The following ZBTB7C variants were observed in gnomAD, a reference collection of about 807,000 sequenced individuals.
ZBTB7C encodes the protein zinc finger and BTB domain-containing protein 7C.
A neutral mutation model predicts 25.7 loss-of-function variants in ZBTB7C; 8 were observed. That is an observed-to-expected ratio of 0.31 (90% CI 0.18 to 0.56). The LOEUF (loss-of-function observed/expected upper bound fraction) is 0.56. ZBTB7C is among the 20% of genes least tolerant of loss of function. ZBTB7C has a pLI of 0.91. For missense variants in ZBTB7C, 824 were observed against 855.2 expected, an observed-to-expected ratio of 0.96 and a Z score of 0.46; for synonymous variants, 394 against 369.0, an observed-to-expected ratio of 1.07 and a Z score of -0.78.
intron 2 of ZBTB7C, among the ~76,000 whole-genome samples, chr18:48,301,296 T>G (rs1211689874): frequency 6.6e-6 from 1 of 152,112 alleles, no homozygotes; most frequent in Non-Finnish European, 1.5e-5. Context: ...CTGGTCAACA[T>G]GGCAAAACCC....
chr18:48,187,303 G>C (rs940010314), intron 2 of ZBTB7C, among the ~76,000 whole-genome samples: 2 of 152,226 alleles, frequency 1.3e-5, no homozygotes, highest in Non-Finnish European at 1.5e-5. Flanking sequence ...ACGGAGGGAA[G>C]TCAAACGTCT....
intron 1 of ZBTB7C, among the ~76,000 whole-genome samples, chr18:48,407,035 A>G (rs922195307): frequency 2.6e-5 from 4 of 152,252 alleles, no homozygotes; most frequent in African/African-American, 7.2e-5. Flanking sequence ...ATACAGAGTA[A>G]AAAACATTTA....
intron 3 of ZBTB7C, among the ~76,000 whole-genome samples, chr18:48,052,621 C>T (rs944147507): frequency 6.6e-6 from 1 of 152,008 alleles, no homozygotes; most frequent in Non-Finnish European, 1.5e-5. Context: ...AGAGAAAGGC[C>T]GGGAGCATGA....
At chr18:48,326,095 C>CTTT (rs34725749) in intron 2 of ZBTB7C, among the ~76,000 whole-genome samples, 21,110 of 125,938 alleles carry the variant, frequency 0.17, 2,417 homozygotes, top group Non-Finnish European at 0.23. Context: ...CTACCAACAT[C>CTTT]TTTTTTTTTT....
At chr18:48,212,094 C>A (rs1385852190) in intron 2 of ZBTB7C, among the ~76,000 whole-genome samples, 1 of 152,176 alleles carries the variant, frequency 6.6e-6, no homozygotes, top group Admixed American at 6.5e-5. Context: ...GTGGCTCATG[C>A]CTGTGATCTC....
At chr18:48,367,372 A>ATATATATATATATATAT (rs1555752154) in intron 1 of ZBTB7C, among the ~76,000 whole-genome samples, 3 of 116,184 alleles carry the variant, frequency 2.6e-5, no homozygotes, top group African/African-American at 9.5e-5. Flanking sequence ...ATATATATAT[A>ATATATATATATATATAT]AAATACAAAC....
intron 1 of ZBTB7C, among the ~76,000 whole-genome samples, chr18:48,376,506 A>C (rs4940362): frequency 0.57 from 86,958 of 152,060 alleles, 25,745 homozygotes; most frequent in East Asian, 0.95. Context: ...GCCCATGGCC[A>C]GGCCCTATTG....
At chr18:48,315,677 G>A (rs2045930925) in intron 2 of ZBTB7C, among the ~76,000 whole-genome samples, 1 of 152,106 alleles carries the variant, frequency 6.6e-6, no homozygotes, top group African/African-American at 2.4e-5. Flanking sequence ...GGCTCCTCAT[G>A]GGCGTGGATA....
intron 3 of ZBTB7C, among the ~76,000 whole-genome samples, chr18:48,142,780 C>A (rs1490242034): frequency 6.8e-6 from 1 of 146,498 alleles, no homozygotes; most frequent in African/African-American, 2.8e-5. Flanking sequence ...GAGGCAGATT[C>A]CCTCTTGTCT....
intron 2 of ZBTB7C, among the ~76,000 whole-genome samples, chr18:48,290,614 C>T (rs2045195856): frequency 6.6e-6 from 1 of 152,210 alleles, no homozygotes; most frequent in Non-Finnish European, 1.5e-5. Flanking sequence ...GCTTCCTTCC[C>T]TGGGCAGACA....
intron 4 of ZBTB7C, among the ~76,000 whole-genome samples, chr18:48,034,635 T>C (rs1465627942): frequency 2.0e-5 from 3 of 152,108 alleles, no homozygotes; most frequent in African/African-American, 7.2e-5. Context: ...TGAATGTAGA[T>C]AGAGAGGAGG....
At chr18:48,042,287 ACAAAT>A (rs2036283104) in intron 3 of ZBTB7C, among the ~76,000 whole-genome samples, 1 of 152,178 alleles carries the variant, frequency 6.6e-6, no homozygotes, top group South Asian at 2.1e-4. Context: ...AAAACAAACA[ACAAAT>A]CAGAACAACA....
At chr18:48,268,787 G>A (rs188643116) in intron 2 of ZBTB7C, among the ~76,000 whole-genome samples, 3 of 152,002 alleles carry the variant, frequency 2.0e-5, no homozygotes, top group African/African-American at 7.2e-5. Context: ...ATCTATCTAT[G>A]CATCTATATA....
At chr18:48,240,882 C>A (rs1362957670) in intron 2 of ZBTB7C, among the ~76,000 whole-genome samples, 1 of 152,134 alleles carries the variant, frequency 6.6e-6, no homozygotes, top group African/African-American at 2.4e-5. Flanking sequence ...GGTCTAAATG[C>A]TCCACTTAAA....
At chr18:48,373,973 A>AAGGG (rs1555753996) in intron 1 of ZBTB7C, among the ~76,000 whole-genome samples, 1 of 149,438 alleles carries the variant, frequency 6.7e-6, no homozygotes, top group African/African-American at 2.5e-5. Context: ...AAAAAAAAAA[A>AAGGG]GCATGTGGCA....
At chr18:48,340,775 CA>C (rs1286165060) in intron 1 of ZBTB7C, among the ~76,000 whole-genome samples, 1 of 152,186 alleles carries the variant, frequency 6.6e-6, no homozygotes, top group Non-Finnish European at 1.5e-5. Context: ...TCTGTGCTGT[CA>C]GCAAAACAAT....
At chr18:48,322,611 C>T (rs1179270032) in intron 2 of ZBTB7C, among the ~76,000 whole-genome samples, 8 of 152,142 alleles carry the variant, frequency 5.3e-5, no homozygotes, top group Non-Finnish European at 7.4e-5. Flanking sequence ...TGTAAACTAG[C>T]GCAACCACTG....
rs71165309 is a variant in ZBTB7C at position 48,032,422 on chromosome 18, G to GTTTTTTT, written c.1209-2518_1209-2512dup. On this transcript the variant is annotated intron_variant, in intron 4 of 4. Coordinates refer to ENST00000590800, the MANE Select transcript of ZBTB7C (RefSeq NM_001318841.2). ...GAGCCACTGTGCCCGGACAAGGTAG[G>GTTTTTTT]TTTTTTTTTTTTTTTTTTTTTTTTT... 2.3e-3 allele frequency among the ~76,000 whole-genome samples: 149 copies of GTTTTTTT among 65,090 alleles called. 11 individuals carry two copies. Among genetic ancestry groups the GTTTTTTT allele is most frequent in the African/African-American group, 9.0e-3 (142 of 15,762 alleles). 42.7% of individuals were successfully genotyped at this position (65,090 alleles called of 152,430 possible). A position where few individuals can be genotyped will look rare whatever the true frequency, so the allele number is the denominator to read the frequency against.
At chr18:48,141,864 C>G (rs904737492) in intron 3 of ZBTB7C, among the ~76,000 whole-genome samples, 4 of 152,228 alleles carry the variant, frequency 2.6e-5, no homozygotes, top group Non-Finnish European at 5.9e-5. Context: ...CCTCACCGTT[C>G]TGAACTCCAC....
Sources: gnomAD v4.1 joint callset for allele counts (sites outside exome capture counted in the v4.1 genomes callset) on GRCh38, gnomAD v4.1.1 for gene constraint, MANE v1.5 for transcripts, NCBI Gene and HGNC (gene_info 2026-07-23, HGNC 2026-07-21) for gene names.